TENM3: variants seen among roughly 807,000 people sequenced by gnomAD.
TENM3 encodes the protein teneurin-3.
Under a neutral mutation model 255.1 loss-of-function variants are expected in TENM3, and 63 were observed. That is an observed-to-expected ratio of 0.25 (90% CI 0.20 to 0.30). The LOEUF (loss-of-function observed/expected upper bound fraction) is 0.30. Among genes scored for constraint, TENM3 ranks in the 10% least tolerant of loss-of-function variants. The probability of loss-of-function intolerance (pLI) is 1.00; values close to 1 mark genes in which losing one functional copy is unlikely to be tolerated. For synonymous variants in TENM3, 1,306 were observed against 1,322.3 expected (o/e 0.99, Z 0.27); for missense variants, 2,929 against 3,461.1 (o/e 0.85, Z 3.86).
upstream of TENM3, among the ~76,000 whole-genome samples, chr4:182,242,003 CTTT>C (rs763045070): frequency 2.4e-5 from 3 of 125,808 alleles, no homozygotes. Context: ...AATTTGCCTT[CTTT>C]TTTTTTTTCC....
chr4:182,769,335 GT>G (rs1292036222), intron 22 of TENM3, among the ~76,000 whole-genome samples: 2 of 151,800 alleles, frequency 1.3e-5, no homozygotes, highest in Non-Finnish European at 2.9e-5. Flanking sequence ...GAGTCCCCGG[GT>G]CATTTTTCTG....
At chr4:182,056,971 G>A in the TENM3 span, among the ~76,000 whole-genome samples, 4 of 151,230 alleles carry the variant, frequency 2.6e-5, no homozygotes, top group East Asian at 1.9e-4. Flanking sequence ...TTCCTGCTTC[G>A]TTTGATCTGA....
the TENM3 span, among the ~76,000 whole-genome samples, chr4:181,653,538 C>A: frequency 6.6e-6 from 1 of 151,924 alleles, no homozygotes; most frequent in South Asian, 2.1e-4. Context: ...GTAGCTGGAA[C>A]TACAGGCACC....
At chr4:182,050,806 A>AC in the TENM3 span, among the ~76,000 whole-genome samples, 3 of 151,682 alleles carry the variant, frequency 2.0e-5, no homozygotes, top group Non-Finnish European at 4.4e-5. Context: ...TCCACCTGAA[A>AC]AAAACAAAAC....
the TENM3 span, among the ~76,000 whole-genome samples, chr4:181,881,035 T>C: frequency 3.3e-5 from 5 of 152,136 alleles, no homozygotes; most frequent in African/African-American, 1.2e-4. Flanking sequence ...TGAGCTAATA[T>C]ATTATAAAAT....
the TENM3 span, among the ~76,000 whole-genome samples, chr4:181,453,659 G>T: frequency 6.6e-6 from 1 of 152,134 alleles, no homozygotes; most frequent in Non-Finnish European, 1.5e-5. Flanking sequence ...GTACTGGACC[G>T]AAGGTGGACC....
In TENM3 at chr4:182,800,091, G is replaced by C; in HGVS notation, c.7840G>C (p.Asp2614His). 1 of 1,588,074 alleles carries C rather than the reference G, an allele frequency of 6.3e-7. No homozygotes were observed. The highest frequency in any genetic ancestry group is 1.1e-5 in the South Asian group (1 of 88,244). ...GCACGTGCGCTACGGCATGACCCTG[G>C]ACGAGGAGAAGGCGCGCATCCTGGA... Reference protein sequence around the residue: ...ALHVRYGMTLDEEKARILEQA... With the variant: ...ALHVRYGMTLHEEKARILEQA... The change falls in exon 28 of 28, where the codon GAC becomes CAC. Residue 2614 changes from aspartate (D) to histidine (H), a missense_variant. Transcript: ENST00000511685.
At chr4:182,733,148 A>G (rs1283448227) in intron 16 of TENM3, among the ~76,000 whole-genome samples, 1 of 152,228 alleles carries the variant, frequency 6.6e-6, no homozygotes, top group Non-Finnish European at 1.5e-5. Context: ...GTATAGTTTG[A>G]GAAAATCTCT....
In TENM3 at chr4:182,256,643, G is replaced by A. The variant is rs113843596; in HGVS notation, c.-76+13167G>A. On this transcript the variant is annotated intron_variant, in intron 1 of 27. Transcript: ENST00000511685. ...TTTTCTCCTTTTATCTTGTAAAGTA[G>A]CCTTACGTCTTTGATCCACTCGTCC... Among the ~76,000 whole-genome samples the A allele has an allele frequency of 3.3e-5, 5 of 152,182 alleles. 1 individual carries two copies. The highest frequency in any genetic ancestry group is 1.2e-4 in the African/African-American group (5 of 41,532).
chr4:182,137,895 GA>G, the TENM3 span, among the ~76,000 whole-genome samples: 1 of 152,296 alleles, frequency 6.6e-6, no homozygotes, highest in South Asian at 2.1e-4. Context: ...AGGAGCTATA[GA>G]ATTCTGTTGT....
rs573715171 is a variant in TENM3 at position 182,337,535 on chromosome 4, C to A, written c.233-9116C>A. Among the ~76,000 whole-genome samples, 9 of 152,202 alleles carry A rather than the reference C, an allele frequency of 5.9e-5. No homozygotes were observed. The East Asian group carries it at 1.7e-3, about 29-fold the overall frequency. On this transcript the variant is annotated intron_variant, in intron 2 of 27. Coordinates refer to ENST00000511685, the MANE Select transcript of TENM3 (RefSeq NM_001080477.4). ...CCAGAATGGCTAAAATTAAAAAAGA[C>A]CCATAGCACCAAATATTGAGGATGT...
At chr4:181,844,331 T>C in the TENM3 span, among the ~76,000 whole-genome samples, 1 of 152,076 alleles carries the variant, frequency 6.6e-6, no homozygotes, top group South Asian at 2.1e-4. Flanking sequence ...CCAGATGAAA[T>C]GACCTTTATT....
chr4:181,628,847 G>A, the TENM3 span, among the ~76,000 whole-genome samples: 1 of 152,146 alleles, frequency 6.6e-6, no homozygotes, highest in Non-Finnish European at 1.5e-5. Context: ...GAACTTTAAA[G>A]TGTTTTTTTT....
At chr4:182,035,749 G>A in the TENM3 span, among the ~76,000 whole-genome samples, 1 of 152,146 alleles carries the variant, frequency 6.6e-6, no homozygotes, top group Admixed American at 6.5e-5. Context: ...CCAAACTGCA[G>A]TCAGAGTAAT....
At chr4:181,866,200 C>G in the TENM3 span, among the ~76,000 whole-genome samples, 1 of 152,134 alleles carries the variant, frequency 6.6e-6, no homozygotes, top group Non-Finnish European at 1.5e-5. Flanking sequence ...AATTAACGTG[C>G]TATTTCTATC....
chr4:182,322,194 G>A (rs548664398), intron 1 of TENM3, among the ~76,000 whole-genome samples: 7 of 152,226 alleles, frequency 4.6e-5, no homozygotes, highest in African/African-American at 9.6e-5. Context: ...GTGAAAAATC[G>A]TTTTTTAAAA....
the TENM3 span, among the ~76,000 whole-genome samples, chr4:181,837,625 G>A: frequency 6.6e-6 from 1 of 152,152 alleles, no homozygotes; most frequent in East Asian, 1.9e-4. Context: ...GTCATTCCAG[G>A]ATCTGAGCTG....
intron 3 of TENM3, among the ~76,000 whole-genome samples, chr4:182,401,655 A>C (rs1769220842): frequency 2.0e-5 from 3 of 152,036 alleles, no homozygotes; most frequent in Admixed American, 2.0e-4. Flanking sequence ...TGAGACACTG[A>C]GTCACTTACT....
At chr4:182,595,459 C>T (rs900314677) in intron 3 of TENM3, among the ~76,000 whole-genome samples, 9 of 152,110 alleles carry the variant, frequency 5.9e-5, no homozygotes, top group African/African-American at 9.7e-5. Context: ...CCTTAAGTGA[C>T]GCTGTTGAAG....
Sources: gnomAD v4.1 joint callset for allele counts (sites outside exome capture counted in the v4.1 genomes callset) on GRCh38, gnomAD v4.1.1 for gene constraint, MANE v1.5 for transcripts, NCBI Gene and HGNC (gene_info 2026-07-23, HGNC 2026-07-21) for gene names.